The following SLC29A4 variants were observed in gnomAD, a reference collection of about 807,000 sequenced individuals.
SLC29A4 encodes solute carrier family 29 member 4.
A neutral mutation model predicts 43.9 loss-of-function variants in SLC29A4; 36 were observed. The observed-to-expected ratio is 0.82, with a 90% confidence interval of 0.63 to 1.08. The LOEUF (loss-of-function observed/expected upper bound fraction) is 1.08. SLC29A4 is among the 50% of genes least tolerant of loss of function. SLC29A4 has a pLI of 0.00. For synonymous variants in SLC29A4, 491 were observed against 338.0 expected (o/e 1.45, Z -4.97); for missense variants, 869 against 755.3 (o/e 1.15, Z -1.77).
In SLC29A4 at chr7:5,288,645, G is replaced by A. The variant is rs544254018; in HGVS notation, c.169+660G>A. Among the ~76,000 whole-genome samples, 22 of 144,878 alleles carry A rather than the reference G, an allele frequency of 1.5e-4. No individual in the cohort carries two copies. The South Asian group carries it at 1.7e-3, about 11-fold the overall frequency. On this transcript the variant is annotated intron_variant, in intron 2 of 10. Transcript: ENST00000396872. ...GACACATGTCACTTTGGTCACACTC[G>A]TTGGCCAAAGCAAGCTATGCCTCAC... is the stretch of plus-strand genomic sequence containing the variant.
chr7:5,302,061 A>C (rs1056772263), intron 10 of SLC29A4, among the ~76,000 whole-genome samples: 4 of 152,020 alleles, frequency 2.6e-5, no homozygotes, highest in Non-Finnish European at 2.9e-5. Context: ...AGCAATTCTC[A>C]TGCCTCAGCC....
At chr7:5,294,093 G>A (rs536284683) in intron 5 of SLC29A4, among the ~76,000 whole-genome samples, 10 of 149,494 alleles carry the variant, frequency 6.7e-5, no homozygotes, top group East Asian at 2.1e-4. Context: ...ACGACAGTGC[G>A]AGGCTCTATC....
intron 5 of SLC29A4, 96 bp from the exon 6 acceptor site, chr7:5,294,764 G>A (rs1011330610): frequency 5.6e-6 from 7 of 1,260,772 alleles, no homozygotes; most frequent in East Asian, 2.3e-5. Context: ...GGCTGTTTAC[G>A]CACCCTCGTC....
Position 5,305,370 on chromosome 7 carries a change from G to A in SLC29A4, c.*2431G>A, listed in dbSNP as rs988275325. ...CTTTGCAAAGCCCCGAATGTCCTCT[G>A]CAGGCCACCCACACTAACCAGGTCA... On this transcript the variant is annotated 3_prime_UTR_variant, in exon 11 of 11. Coordinates refer to ENST00000396872, the MANE Select transcript of SLC29A4 (RefSeq NM_153247.4). The A allele has an allele frequency of 2.0e-5, 3 of 152,220 alleles. No homozygotes were observed. Among genetic ancestry groups the A allele is most frequent in the Non-Finnish European group, 2.9e-5 (2 of 68,070 alleles). The allele number at this position is 152,220 out of a possible 1,614,324, so 9.4% of individuals were successfully genotyped here.
chr7:5,291,299 C>G (rs1280307773), intron 4 of SLC29A4, 62 bp downstream of exon 4: 1 of 1,453,760 alleles, frequency 6.9e-7, no homozygotes, highest in East Asian at 2.4e-5. Flanking sequence ...TGGCCGGTCA[C>G]CCACTCACCC....
At chr7:5,293,445 C>T (rs1482246665) in intron 5 of SLC29A4, among the ~76,000 whole-genome samples, 1 of 152,180 alleles carries the variant, frequency 6.6e-6, no homozygotes, top group East Asian at 1.9e-4. Flanking sequence ...GCTAGGATTA[C>T]AGGCGTGAGC....
intron 1 of SLC29A4, among the ~76,000 whole-genome samples, chr7:5,283,504 C>T (rs1181237256): frequency 6.6e-6 from 1 of 152,190 alleles, no homozygotes; most frequent in Non-Finnish European, 1.5e-5. Context: ...GGGGTCTGTC[C>T]TTTGCCTGGG....
intron 5 of SLC29A4, among the ~76,000 whole-genome samples, chr7:5,293,556 G>C (rs1387230261): frequency 6.6e-6 from 1 of 152,168 alleles, no homozygotes; most frequent in Non-Finnish European, 1.5e-5. Flanking sequence ...AAACACGTGT[G>C]TGTATTTATA....
chr7:5,284,616 G>C (rs1321873917), intron 1 of SLC29A4, among the ~76,000 whole-genome samples: 1 of 152,204 alleles, frequency 6.6e-6, no homozygotes, highest in Non-Finnish European at 1.5e-5. Flanking sequence ...AGGAGGCCCT[G>C]GGTTGCCTTC....
Position 5,291,154 on chromosome 7 carries a change from C to G in SLC29A4, c.332C>G (p.Thr111Ser), listed in dbSNP as rs753634614. 6.2e-7 allele frequency: 1 copy of G among 1,613,976 alleles called. No individual in the cohort carries two copies. The highest frequency in any genetic ancestry group is 8.5e-7 in the Non-Finnish European group (1 of 1,180,032). Residue 111 changes from threonine (T) to serine (S), a missense_variant, in exon 4 of 11, where the codon ACC becomes AGC. Thr to Ser is a moderately conservative substitution (Grantham distance 58). Transcript: ENST00000396872. ...TCCATCGTGTTTGACATGAGCCTCA[C>G]CTACATCTTGGTGGCACTGGCAGCT... ...GTSIVFDMSL[T>S]YILVALAAVL... is the part of the protein sequence containing the mutation.
rs144690209 is a variant in SLC29A4, at chr7:5,299,328, G to C, written c.1110G>C (p.Leu370=). The C allele has an allele frequency of 4.3e-6, 7 of 1,611,926 alleles. No homozygotes were observed. The highest frequency in any genetic ancestry group is 4.0e-5 in the African/African-American group (3 of 74,880). ...IAVTYFITLC[L]FPGLESEIRH... The stretch of plus-strand genomic sequence containing the variant: ...TGACCTACTTCATCACGCTGTGCCT[G>C]TTCCCCGGCCTCGAGTCTGAGATCC... The change falls in exon 9 of 11, where the codon CTG becomes CTC. Residue 370 remains leucine, a synonymous_variant. Coordinates refer to ENST00000396872, the MANE Select transcript of SLC29A4 (RefSeq NM_153247.4).
intron 5 of SLC29A4, 105 bp downstream of exon 5, chr7:5,291,926 G>T: frequency 6.7e-7 from 1 of 1,484,152 alleles, no homozygotes; most frequent in South Asian, 1.3e-5. Context: ...TGGGAACCGG[G>T]CTGGCTGGGT....
At chr7:5,289,776 A>T (rs988872903) in intron 2 of SLC29A4, among the ~76,000 whole-genome samples, 6 of 152,114 alleles carry the variant, frequency 3.9e-5, no homozygotes, top group African/African-American at 1.4e-4. Flanking sequence ...TGACAAGGTC[A>T]TACCGCCACC....
rs1352198355 is a variant in SLC29A4, at chr7:5,305,871, T to C, written c.*2932T>C. 2 of 150,958 alleles carry C rather than the reference T, an allele frequency of 1.3e-5. No homozygotes were observed. Among genetic ancestry groups the C allele is most frequent in the Admixed American group, 6.6e-5 (1 of 15,100 alleles). The allele number at this position is 150,958 out of a possible 1,614,324, so 9.4% of individuals were successfully genotyped here. On this transcript the variant is annotated 3_prime_UTR_variant, in exon 11 of 11. Transcript: ENST00000396872. ...CATGCCTGGCACTGGTTTTTTGAGATGGAATCTCGTTATGTCACCCCAGCT... is the reference window on the plus strand; with the variant it reads ...CATGCCTGGCACTGGTTTTTTGAGACGGAATCTCGTTATGTCACCCCAGCT...
chr7:5,286,215 G>T (rs1486717101), intron 1 of SLC29A4, among the ~76,000 whole-genome samples: 1 of 152,000 alleles, frequency 6.6e-6, no homozygotes, highest in Non-Finnish European at 1.5e-5. Flanking sequence ...TCAGATAAAT[G>T]AATACACGTT....
chr7:5,299,254 C>T lies in SLC29A4; in HGVS notation c.1036C>T (p.Arg346Cys), dbSNP rs1333160517. 8.7e-6 allele frequency: 14 copies of T among 1,611,896 alleles called. No homozygotes were observed. The highest frequency in any genetic ancestry group is 2.2e-5 in the South Asian group (2 of 90,994). The change falls in exon 9 of 11, where the codon CGC (arginine) becomes TGC (cysteine). Residue 346 changes from arginine to cysteine, a missense_variant. Transcript: ENST00000396872. ...CCACCCTCCAGCCCTGTTACTGCAC[C>T]GCTACGTGGTGGCGCGGGTGATCTG... is the stretch of plus-strand genomic sequence containing the variant. ...WPTFRALLLH[R>C]YVVARVIWAD...
chr7:5,290,541 C>T (rs1785238683), intron 2 of SLC29A4, among the ~76,000 whole-genome samples, 191 bp from the exon 3 acceptor site: 1 of 152,168 alleles, frequency 6.6e-6, no homozygotes, highest in Admixed American at 6.5e-5. Flanking sequence ...GGTGTGGTGG[C>T]TGTAGCCACA....
Position 5,288,055 on chromosome 7 carries a change from G to A in SLC29A4, c.169+70G>A, listed in dbSNP as rs1398990672. The A allele has an allele frequency of 1.4e-5, 21 of 1,503,158 alleles. No homozygotes were observed. In the East Asian group the frequency reaches 4.0e-4, roughly 28 times the overall value. The allele number at this position is 1,503,158 out of a possible 1,614,324, so 93.1% of individuals were successfully genotyped here. A position where few individuals can be genotyped will look rare whatever the true frequency, so the allele number is the denominator to read the frequency against. On this transcript the variant is annotated intron_variant, in intron 2 of 10. Coordinates refer to ENST00000396872, the MANE Select transcript of SLC29A4 (RefSeq NM_153247.4). The stretch of plus-strand genomic sequence containing the variant: ...GCTGGGCTGTGTGACCCCCAGTGAA[G>A]CCTTGCGGTATCGGGGAGCCATGGG...
At position 5,305,414 on chromosome 7, in the gene SLC29A4, C is replaced by G. The variant is rs1464680150; in HGVS notation, c.*2475C>G. On this transcript the variant is annotated 3_prime_UTR_variant, in exon 11 of 11. Coordinates refer to ENST00000396872, the MANE Select transcript of SLC29A4 (RefSeq NM_153247.4). The stretch of plus-strand genomic sequence containing the variant: ...CAGGTCAGTCACTGGGCAGCCAGAC[C>G]CCCACCTATAGCTTCCCTAGGCCCC... The G allele has an allele frequency of 4.6e-5, 7 of 152,334 alleles. No individual in the cohort carries two copies. The highest frequency in any genetic ancestry group is 3.3e-4 in the Admixed American group (5 of 15,276). The allele number at this position is 152,334 out of a possible 1,614,324, so 9.4% of individuals were successfully genotyped here.
Sources: allele counts gnomAD v4.1 joint callset (sites outside exome capture counted in the v4.1 genomes callset), GRCh38; gene constraint gnomAD v4.1.1; transcripts MANE v1.5; gene names NCBI Gene and HGNC (gene_info 2026-07-23, HGNC 2026-07-21).